The following TMEM63C variants were observed in gnomAD, a reference collection of about 807,000 sequenced individuals.
TMEM63C encodes the protein osmosensitive cation channel TMEM63C.
Under a neutral mutation model 99.2 loss-of-function variants are expected in TMEM63C, and 32 were observed. That is an observed-to-expected ratio of 0.32 (90% CI 0.24 to 0.43). TMEM63C has a LOEUF of 0.43. Ranked by LOEUF, TMEM63C falls within the 20% of genes least tolerant of loss-of-function variation. The pLI, the probability that TMEM63C is intolerant of heterozygous loss-of-function variation, is 1.00. For missense variants in TMEM63C, 826 were observed against 1,053.0 expected, an observed-to-expected ratio of 0.78 and a Z score of 2.98; for synonymous variants, 376 against 397.9, an observed-to-expected ratio of 0.94 and a Z score of 0.66.
At chr14:77,249,243 T>C (rs1594869954) in intron 20 of TMEM63C, 48 bp from the exon 21 acceptor site, 1 of 1,599,360 alleles carries the variant, frequency 6.3e-7, no homozygotes, top group Non-Finnish European at 8.6e-7. Context: ...GCCACAAAGG[T>C]CCAGACTTGA....
chr14:77,242,460 ACATTATTT>A lies in TMEM63C; in HGVS notation c.1179_1186del (p.Asp393GlufsTer127). 1 of 1,613,810 alleles carries A rather than the reference ACATTATTT, an allele frequency of 6.2e-7. No homozygotes were observed. The highest frequency in any genetic ancestry group is 1.7e-5 in the Admixed American group (1 of 60,004). ...GTCACTATGGCCCCACACCCCAAAG[ACATTATTT>A]GGTAAGCCTCCTCCATCCCTCCCCT... is the stretch of plus-strand genomic sequence containing the variant. On this transcript the variant is annotated frameshift_variant and splice_region_variant, in exon 14 of 24. Coordinates refer to ENST00000298351, the MANE Select transcript of TMEM63C (RefSeq NM_020431.4). LOFTEE classifies it high-confidence loss of function.
rs1281077824 is a variant in TMEM63C at position 77,239,292 on chromosome 14, A to G, written c.726-120A>G. The G allele has an allele frequency of 2.1e-5, 20 of 941,424 alleles. 1 individual carries two copies. The highest frequency in any genetic ancestry group is 3.3e-5 in the Non-Finnish European group (20 of 597,276). 58.3% of individuals were successfully genotyped at this position (941,424 alleles called of 1,614,324 possible). ...TTTAGGAGCAGAGATGGAGTATCCCATCCAGGAACACCAGGCAGCTGAGCC... is the reference window on the plus strand; with the variant it reads ...TTTAGGAGCAGAGATGGAGTATCCCGTCCAGGAACACCAGGCAGCTGAGCC... On this transcript the variant is annotated intron_variant, in intron 10 of 23. Transcript: ENST00000298351.
intron 8 of TMEM63C, among the ~76,000 whole-genome samples, chr14:77,234,767 G>A (rs564230599): frequency 3.9e-5 from 6 of 152,322 alleles, no homozygotes; most frequent in Non-Finnish European, 5.9e-5. Context: ...AAGCAGGGAT[G>A]GCAAACATGG....
At chr14:77,233,609 G>T (rs891563452) in intron 8 of TMEM63C, 109 bp downstream of exon 8, 24 of 1,186,210 alleles carry the variant, frequency 2.0e-5, no homozygotes, top group Non-Finnish European at 2.9e-5. Context: ...GATAAGAAAG[G>T]CCTGGTTTCC....
At chr14:77,186,223 G>A (rs1251912698) in intron 1 of TMEM63C, among the ~76,000 whole-genome samples, 1 of 152,058 alleles carries the variant, frequency 6.6e-6, no homozygotes, top group African/African-American at 2.4e-5. Flanking sequence ...ATGTTGGCCA[G>A]GCTAGTCTCA....
chr14:77,186,322 T>C (rs115534582), intron 1 of TMEM63C, among the ~76,000 whole-genome samples: 1,766 of 152,244 alleles, frequency 0.012, 22 homozygotes, highest in African/African-American at 0.04. Context: ...CAGACCATGC[T>C]TTTTTGATGA....
At chr14:77,217,460 TG>T (rs994558200) in intron 2 of TMEM63C, among the ~76,000 whole-genome samples, 26 of 152,390 alleles carry the variant, frequency 1.7e-4, no homozygotes, top group African/African-American at 5.8e-4. Flanking sequence ...TCTTGTTCAC[TG>T]GTGCATTTGT....
intron 21 of TMEM63C, 97 bp downstream of exon 21, chr14:77,249,555 A>G (rs1594870089): frequency 7.1e-7 from 1 of 1,401,324 alleles, no homozygotes; most frequent in Non-Finnish European, 9.7e-7. Context: ...AAGCCCAGGC[A>G]GGGCAAGACG....
At chr14:77,225,172 C>G (rs2140114087) in intron 5 of TMEM63C, among the ~76,000 whole-genome samples, 1 of 152,320 alleles carries the variant, frequency 6.6e-6, no homozygotes, top group East Asian at 1.9e-4. Flanking sequence ...TTCTCCCCCT[C>G]CAGTTCAAGG....
In TMEM63C at chr14:77,214,178, T is replaced by C. The variant is rs184877394; in HGVS notation, c.-14+670T>C. The stretch of plus-strand genomic sequence containing the variant: ...GCAAATATTTATGTGATGCTCCTTG[T>C]GTTCCAGGCATTGTTCTACAAGATG... On this transcript the variant is annotated intron_variant, in intron 2 of 23. Coordinates refer to ENST00000298351, the MANE Select transcript of TMEM63C (RefSeq NM_020431.4). Among the ~76,000 whole-genome samples the C allele has an allele frequency of 4.6e-5, 7 of 152,328 alleles. No individual in the cohort carries two copies. The East Asian group carries it at 1.2e-3, about 25-fold the overall frequency.
intron 2 of TMEM63C, among the ~76,000 whole-genome samples, chr14:77,216,663 C>T (rs143960432): frequency 3.0e-4 from 46 of 152,274 alleles, no homozygotes; most frequent in African/African-American, 9.1e-4. Context: ...GAGTCATCCT[C>T]GACTCCTCTC....
At position 77,246,038 on chromosome 14, in the gene TMEM63C, C is replaced by A. The variant is rs1446428048; in HGVS notation, c.1535+12C>A. 2 of 1,593,250 alleles carry A rather than the reference C, an allele frequency of 1.3e-6. No homozygotes were observed. The highest frequency in any genetic ancestry group is 3.3e-5 in the Admixed American group (2 of 59,994). On this transcript the variant is annotated intron_variant, in intron 17 of 23. Coordinates refer to ENST00000298351, the MANE Select transcript of TMEM63C (RefSeq NM_020431.4). ...ATGGGACTGACCAGGTACCTCACTTCCAATTATCCCTTCCTTCTTAGCCAG... is the reference window on the plus strand; with the variant it reads ...ATGGGACTGACCAGGTACCTCACTTACAATTATCCCTTCCTTCTTAGCCAG...
chr14:77,186,178 TTTC>T (rs758461567), intron 1 of TMEM63C, among the ~76,000 whole-genome samples: 4 of 152,016 alleles, frequency 2.6e-5, no homozygotes, highest in Non-Finnish European at 4.4e-5. Context: ...CGTCGGCTAA[TTTC>T]TTTGTGTTTT....
chr14:77,208,343 T>C (rs1888440482), intron 1 of TMEM63C, among the ~76,000 whole-genome samples: 1 of 152,136 alleles, frequency 6.6e-6, no homozygotes, highest in Non-Finnish European at 1.5e-5. Flanking sequence ...TATCTAGGGA[T>C]GAGAAAACTG....
chr14:77,247,236 T>G (rs1889282723), intron 18 of TMEM63C, among the ~76,000 whole-genome samples: 1 of 152,214 alleles, frequency 6.6e-6, no homozygotes, highest in Non-Finnish European at 1.5e-5. Flanking sequence ...AGTCTCATTC[T>G]GTCGCCCAGG....
At chr14:77,232,413 G>C (rs1888959659) in intron 7 of TMEM63C, among the ~76,000 whole-genome samples, 1 of 152,030 alleles carries the variant, frequency 6.6e-6, no homozygotes, top group African/African-American at 2.4e-5. Context: ...TCAGCCTCCT[G>C]AGTAGCTGGG....
intron 10 of TMEM63C, 124 bp downstream of exon 10, chr14:77,238,891 T>C (rs771857647): frequency 1.3e-4 from 92 of 714,062 alleles, no homozygotes; most frequent in Non-Finnish European, 2.1e-4. Flanking sequence ...TGGCTCTCCC[T>C]GGACTCAGCT....
chr14:77,240,827 C>T (rs915653146), intron 13 of TMEM63C, among the ~76,000 whole-genome samples: 1 of 152,194 alleles, frequency 6.6e-6, no homozygotes, highest in African/African-American at 2.4e-5. Context: ...GGCCGGGGCT[C>T]CTCACTCCCT....
chr14:77,186,997 G>C (rs1032140359), intron 1 of TMEM63C, among the ~76,000 whole-genome samples: 2 of 152,136 alleles, frequency 1.3e-5, no homozygotes, highest in African/African-American at 4.8e-5. Flanking sequence ...AATAAGCCTG[G>C]CTTGAGGCCC....
Sources: gnomAD v4.1 joint callset for allele counts (sites outside exome capture counted in the v4.1 genomes callset) on GRCh38, gnomAD v4.1.1 for gene constraint, MANE v1.5 for transcripts, NCBI Gene and HGNC (gene_info 2026-07-23, HGNC 2026-07-21) for gene names.